The following KIAA1217 variants were observed in gnomAD, a reference collection of about 807,000 sequenced individuals.
The protein encoded by KIAA1217 is sickle tail protein homolog.
In KIAA1217, 88 loss-of-function variants were observed where a neutral mutation model predicts 163.9. The observed-to-expected ratio is 0.54, with a 90% confidence interval of 0.45 to 0.64. KIAA1217 has a LOEUF of 0.64. Ranked by LOEUF, KIAA1217 falls within the 30% of genes least tolerant of loss-of-function variation. KIAA1217 has a pLI of 0.00. For synonymous variants in KIAA1217, 903 were observed against 923.1 expected (o/e 0.98, Z 0.39); for missense variants, 2,372 against 2,475.0 (o/e 0.96, Z 0.88).
At chr10:24,099,612 T>C (rs2062320279) in intron 2 of KIAA1217, among the ~76,000 whole-genome samples, 1 of 148,358 alleles carries the variant, frequency 6.7e-6, no homozygotes, top group Non-Finnish European at 1.5e-5. Flanking sequence ...TATTATACTT[T>C]AAGTTCTAGG....
At chr10:24,095,598 C>T (rs2062126837) in intron 2 of KIAA1217, among the ~76,000 whole-genome samples, 1 of 152,090 alleles carries the variant, frequency 6.6e-6, no homozygotes, top group African/African-American at 2.4e-5. Flanking sequence ...TGATGCTGTT[C>T]TTTGATTCTC....
At chr10:24,125,365 A>T (rs892137176) in intron 2 of KIAA1217, among the ~76,000 whole-genome samples, 4 of 101,042 alleles carry the variant, frequency 4.0e-5, no homozygotes, top group Admixed American at 9.1e-5. Flanking sequence ...TGTGTGTGTG[A>T]ATAGGCTTTA....
At chr10:23,879,817 A>G (rs1840871229) in intron 1 of KIAA1217, among the ~76,000 whole-genome samples, 1 of 151,946 alleles carries the variant, frequency 6.6e-6, no homozygotes, top group African/African-American at 2.4e-5. Context: ...CCAATAATAG[A>G]GGAAAATGAT....
chr10:24,157,661 CA>C (rs35503271), intron 2 of KIAA1217, among the ~76,000 whole-genome samples: 5 of 151,716 alleles, frequency 3.3e-5, no homozygotes, highest in South Asian at 4.2e-4. Context: ...AATTAGCACA[CA>C]AAAAAAATTT....
At chr10:24,095,673 G>T (rs1011803442) in intron 2 of KIAA1217, among the ~76,000 whole-genome samples, 2 of 151,984 alleles carry the variant, frequency 1.3e-5, no homozygotes, top group African/African-American at 4.8e-5. Flanking sequence ...TCACTCTTAT[G>T]GTCTCAACTA....
intron 1 of KIAA1217, among the ~76,000 whole-genome samples, chr10:23,948,871 TAC>T (rs1485068975): frequency 1.3e-5 from 2 of 152,172 alleles, no homozygotes; most frequent in East Asian, 3.9e-4. Flanking sequence ...GCTTAGTCAC[TAC>T]ACCCAGTAGG....
chr10:23,829,338 CTGA>C (rs1838062007), intron 1 of KIAA1217, among the ~76,000 whole-genome samples: 1 of 152,160 alleles, frequency 6.6e-6, no homozygotes, highest in African/African-American at 2.4e-5. Context: ...CACTAACCAA[CTGA>C]TGGCCCACAG....
chr10:24,536,845 C>A lies in KIAA1217; in HGVS notation c.3486C>A (p.His1162Gln), dbSNP rs138675828. The change falls in exon 17 of 21, where the codon CAC becomes CAA. Residue 1162 changes from histidine to glutamine, a missense_variant. This residue lies in a region of KIAA1217 where 251 missense variants were observed against 327.3 expected (regional missense o/e 0.77). Coordinates refer to ENST00000376454, the MANE Select transcript of KIAA1217 (RefSeq NM_019590.5). Reference protein sequence around the residue: ...SHAEPSRADSHVKDTRSGATV... With the variant: ...SHAEPSRADSQVKDTRSGATV... ...CTGAGCCATCCCGGGCTGACAGTCA[C>A]GTTAAAGACACTAGGTCGGGCGCCA... The A allele has an allele frequency of 6.9e-5, 112 of 1,613,892 alleles. No individual in the cohort carries two copies. Among genetic ancestry groups the A allele is most frequent in the Middle Eastern group, 1.6e-4 (1 of 6,084 alleles).
rs867094205 is a variant in KIAA1217 at position 23,790,549 on chromosome 10, A to G, written c.-321+95315A>G. On this transcript the variant is annotated intron_variant, in intron 1 of 18. Coordinates refer to the KIAA1217 transcript ENST00000376462. Reference sequence around the variant, plus strand: ...CATATATACATATACATGTGCATATATACATATGTACATATGTATATATAC... The same window carrying G: ...CATATATACATATACATGTGCATATGTACATATGTACATATGTATATATAC... Among the ~76,000 whole-genome samples the G allele has an allele frequency of 1.3e-3, 137 of 104,544 alleles. 16 individuals are homozygous for G. Among genetic ancestry groups the G allele is most frequent in the African/African-American group, 7.7e-3 (132 of 17,212 alleles). The allele number at this position is 104,544 out of a possible 152,430, so 68.6% of individuals were successfully genotyped here.
At chr10:24,378,482 G>T (rs1043465152) in intron 2 of KIAA1217, among the ~76,000 whole-genome samples, 2 of 152,054 alleles carry the variant, frequency 1.3e-5, no homozygotes, top group African/African-American at 4.8e-5. Flanking sequence ...TGCACCCAGG[G>T]TGATGTGCCT....
intron 2 of KIAA1217, among the ~76,000 whole-genome samples, chr10:24,102,876 TG>T (rs1386754260): frequency 6.6e-6 from 1 of 152,188 alleles, no homozygotes; most frequent in Non-Finnish European, 1.5e-5. Context: ...GGGAAGGTCC[TG>T]GTGGGAGGTA....
At chr10:23,766,711 C>G (rs1269750483) in intron 1 of KIAA1217, among the ~76,000 whole-genome samples, 1 of 151,760 alleles carries the variant, frequency 6.6e-6, no homozygotes, top group Non-Finnish European at 1.5e-5. Context: ...GCCTCAGCCT[C>G]CCGAGTAGCT....
chr10:23,771,703 A>G (rs529126528), intron 1 of KIAA1217, among the ~76,000 whole-genome samples: 1 of 152,154 alleles, frequency 6.6e-6, no homozygotes, highest in Non-Finnish European at 1.5e-5. Context: ...ATTACCTCAG[A>G]AGGGGAAAGA....
intron 1 of KIAA1217, among the ~76,000 whole-genome samples, chr10:23,724,856 G>T (rs746943718): frequency 1.5e-4 from 23 of 152,146 alleles, no homozygotes; most frequent in Admixed American, 2.0e-4. Context: ...AGGAAGACAT[G>T]CCATGTGTAA....
intron 1 of KIAA1217, among the ~76,000 whole-genome samples, chr10:23,740,880 A>T (rs1211050217): frequency 3.3e-5 from 5 of 152,154 alleles, no homozygotes; most frequent in Non-Finnish European, 1.5e-5. Context: ...ATGAGCCAAG[A>T]TCGTGCCATT....
chr10:23,723,885 T>A (rs906997544), intron 1 of KIAA1217, among the ~76,000 whole-genome samples: 1 of 152,152 alleles, frequency 6.6e-6, no homozygotes, highest in Middle Eastern at 3.2e-3. Flanking sequence ...GAAAAGAGGT[T>A]TAATTGGCTC....
intron 1 of KIAA1217, among the ~76,000 whole-genome samples, chr10:23,955,419 T>C (rs1194326570): frequency 6.6e-6 from 1 of 152,228 alleles, no homozygotes; most frequent in Non-Finnish European, 1.5e-5. Context: ...TTGGGAACCA[T>C]GGAGCATTGA....
intron 2 of KIAA1217, among the ~76,000 whole-genome samples, chr10:24,307,954 A>T (rs1448324877): frequency 6.6e-6 from 1 of 152,230 alleles, no homozygotes; most frequent in Non-Finnish European, 1.5e-5. Context: ...TGCCCGAGTC[A>T]TGGGGTCTCT....
At position 24,346,459 on chromosome 10, in the gene KIAA1217, G is replaced by A. The variant is rs149899102; in HGVS notation, c.355-34410G>A. 8.8e-3 allele frequency among the ~76,000 whole-genome samples: 1,338 copies of A among 151,890 alleles called. 12 individuals carry two copies. The highest frequency in any genetic ancestry group is 0.03 in the African/African-American group (1,259 of 41,452). ...TGCACTCCAGCCTGGGGGACAGAGCGAGACTCCGTCTCAAAAAATAATAAT... is the reference window on the plus strand; with the variant it reads ...TGCACTCCAGCCTGGGGGACAGAGCAAGACTCCGTCTCAAAAAATAATAAT... On this transcript the variant is annotated intron_variant, in intron 2 of 20. Coordinates refer to ENST00000376454, the MANE Select transcript of KIAA1217 (RefSeq NM_019590.5).
Sources: gnomAD v4.1 joint callset for allele counts (sites outside exome capture counted in the v4.1 genomes callset) on GRCh38, gnomAD v4.1.1 for gene constraint, gnomAD v4.1.1 regional missense constraint, MANE v1.5 for transcripts, NCBI Gene and HGNC (gene_info 2026-07-23, HGNC 2026-07-21) for gene names.